TAFA1: variants seen among roughly 807,000 people sequenced by gnomAD.
TAFA1 encodes chemokine-like protein TAFA-1.
A neutral mutation model predicts 18.5 loss-of-function variants in TAFA1; 4 were observed. That is an observed-to-expected ratio of 0.22 (90% CI 0.11 to 0.49). The LOEUF (loss-of-function observed/expected upper bound fraction) is 0.49, where lower values mean the gene tolerates loss of function less well. TAFA1 is among the 20% of genes least tolerant of loss of function. The pLI is 0.98. For synonymous variants in TAFA1, 56 were observed against 55.2 expected (o/e 1.01, Z -0.06); for missense variants, 147 against 169.0 (o/e 0.87, Z 0.72).
chr3:68,216,574 A>G (rs2066659790), intron 2 of TAFA1, among the ~76,000 whole-genome samples: 1 of 152,092 alleles, frequency 6.6e-6, no homozygotes, highest in African/African-American at 2.4e-5. Context: ...TTATACACGT[A>G]TATTTCCTTG....
chr3:68,108,652 G>A (rs1342016363), intron 2 of TAFA1, among the ~76,000 whole-genome samples: 1 of 152,058 alleles, frequency 6.6e-6, no homozygotes, highest in African/African-American at 2.4e-5. Flanking sequence ...AGCTTGACAA[G>A]CACATTAGTA....
intron 3 of TAFA1, among the ~76,000 whole-genome samples, chr3:68,471,230 G>A (rs774177204): frequency 6.6e-6 from 1 of 152,220 alleles, no homozygotes; most frequent in African/African-American, 2.4e-5. Flanking sequence ...GTTTGCTGCA[G>A]GGGCAGGGCC....
rs144488404 is a variant in TAFA1 at position 68,009,188 on chromosome 3, T to C, written c.118+2444T>C. Among the ~76,000 whole-genome samples the C allele has an allele frequency of 7.3e-3, 1,108 of 152,354 alleles. 16 individuals carry two copies. The highest frequency in any genetic ancestry group is 0.026 in the African/African-American group (1,065 of 41,576). On this transcript the variant is annotated intron_variant, in intron 2 of 4. Transcript: ENST00000478136. ...TGGCTAGAATATACTACCAATGCTA[T>C]GTGTCTTATTTTACTCTGTGCGTAT...
chr3:68,447,086 G>A (rs980170364), intron 3 of TAFA1, among the ~76,000 whole-genome samples: 3 of 152,166 alleles, frequency 2.0e-5, no homozygotes, highest in Non-Finnish European at 1.5e-5. Context: ...TTTGTATAAT[G>A]TTGGAATGAT....
chr3:68,158,377 G>T (rs2065888548), intron 2 of TAFA1, among the ~76,000 whole-genome samples: 1 of 152,062 alleles, frequency 6.6e-6, no homozygotes, highest in Non-Finnish European at 1.5e-5. Context: ...GGGCATTGCA[G>T]GTAGGGGCTG....
chr3:68,452,706 A>G (rs2106900112), intron 3 of TAFA1, among the ~76,000 whole-genome samples: 1 of 152,258 alleles, frequency 6.6e-6, no homozygotes, highest in Non-Finnish European at 1.5e-5. Flanking sequence ...GTTTTCCATC[A>G]GGGAGGCATC....
intron 3 of TAFA1, among the ~76,000 whole-genome samples, chr3:68,462,496 A>G (rs1386154633): frequency 6.6e-6 from 1 of 152,098 alleles, no homozygotes; most frequent in Non-Finnish European, 1.5e-5. Flanking sequence ...GCCATGTGGA[A>G]CTGTGAGTCA....
chr3:68,468,384 A>T (rs1299002551), intron 3 of TAFA1, among the ~76,000 whole-genome samples: 1 of 152,180 alleles, frequency 6.6e-6, no homozygotes, highest in East Asian at 1.9e-4. Flanking sequence ...TGTGCCTCTG[A>T]GAGTATACAA....
intron 2 of TAFA1, among the ~76,000 whole-genome samples, chr3:68,359,213 T>C (rs1030932011): frequency 3.9e-5 from 6 of 152,038 alleles, no homozygotes; most frequent in African/African-American, 1.4e-4. Context: ...AAAAGGTCAA[T>C]ATTCTTAAAA....
At chr3:68,167,090 A>G (rs1431345348) in intron 2 of TAFA1, among the ~76,000 whole-genome samples, 1 of 152,204 alleles carries the variant, frequency 6.6e-6, no homozygotes. Flanking sequence ...CTATTATTCA[A>G]ATGAGCCTCA....
At chr3:68,055,693 G>C (rs754125212) in intron 2 of TAFA1, among the ~76,000 whole-genome samples, 1 of 151,984 alleles carries the variant, frequency 6.6e-6, no homozygotes, top group Non-Finnish European at 1.5e-5. Context: ...AACTTCTGAA[G>C]TCTCAGAGGG....
At chr3:68,035,755 C>T (rs1458373201) in intron 2 of TAFA1, among the ~76,000 whole-genome samples, 1 of 152,182 alleles carries the variant, frequency 6.6e-6, no homozygotes, top group African/African-American at 2.4e-5. Context: ...GCTATTCAAT[C>T]ACTAGGAACT....
intron 2 of TAFA1, among the ~76,000 whole-genome samples, chr3:68,350,321 GTTC>G (rs1478386234): frequency 3.3e-5 from 5 of 152,042 alleles, no homozygotes; most frequent in Non-Finnish European, 7.4e-5. Context: ...GACAAATGCT[GTTC>G]TTATTTAATT....
At chr3:68,393,809 A>G (rs1241762890) in intron 2 of TAFA1, among the ~76,000 whole-genome samples, 3 of 152,218 alleles carry the variant, frequency 2.0e-5, no homozygotes, top group African/African-American at 7.2e-5. Flanking sequence ...GATAAAATTC[A>G]ACACCCCTTC....
intron 2 of TAFA1, among the ~76,000 whole-genome samples, chr3:68,013,123 C>G (rs1229908571): frequency 6.6e-6 from 1 of 152,132 alleles, no homozygotes; most frequent in Non-Finnish European, 1.5e-5. Flanking sequence ...CCTTTTATCT[C>G]TCACTTCTAC....
chr3:68,227,834 AT>A (rs1213732991), intron 2 of TAFA1, among the ~76,000 whole-genome samples: 1 of 152,090 alleles, frequency 6.6e-6, no homozygotes, highest in Non-Finnish European at 1.5e-5. Context: ...TATTAAAATG[AT>A]TTTTTTCCCA....
chr3:68,198,444 CCAAA>C (rs1373093540), intron 2 of TAFA1, among the ~76,000 whole-genome samples: 1 of 151,568 alleles, frequency 6.6e-6, no homozygotes, highest in Non-Finnish European at 1.5e-5. Flanking sequence ...TCAAAAACCA[CCAAA>C]CAGTCTTCAA....
chr3:68,379,307 T>C (rs924952626), intron 2 of TAFA1, among the ~76,000 whole-genome samples: 2 of 152,326 alleles, frequency 1.3e-5, no homozygotes, highest in Non-Finnish European at 1.5e-5. Context: ...GTATGTCTTC[T>C]TTTGAAAAAT....
chr3:68,169,791 G>T (rs569639710), intron 2 of TAFA1, among the ~76,000 whole-genome samples: 3 of 152,152 alleles, frequency 2.0e-5, no homozygotes, highest in Non-Finnish European at 2.9e-5. Flanking sequence ...GTAGAGAAAG[G>T]CAACTTCAAT....
Sources: allele counts gnomAD v4.1 joint callset (sites outside exome capture counted in the v4.1 genomes callset), GRCh38; gene constraint gnomAD v4.1.1; transcripts MANE v1.5; gene names NCBI Gene and HGNC (gene_info 2026-07-23, HGNC 2026-07-21).